KSR2: variants seen among roughly 807,000 people sequenced by gnomAD.
KSR2 encodes the protein kinase suppressor of ras 2.
A neutral mutation model predicts 107.8 loss-of-function variants in KSR2; 25 were observed. The observed-to-expected ratio is 0.23, with a 90% confidence interval of 0.17 to 0.32. KSR2 has a LOEUF of 0.32. Ranked by LOEUF, KSR2 falls within the 10% of genes least tolerant of loss-of-function variation. The probability of loss-of-function intolerance (pLI) is 1.00; values close to 1 mark genes in which losing one functional copy is unlikely to be tolerated. For synonymous variants in KSR2, 480 were observed against 507.0 expected, an observed-to-expected ratio of 0.95 and a Z score of 0.71; for missense variants, 887 against 1,268.9, an observed-to-expected ratio of 0.70 and a Z score of 4.57.
chr12:117,552,246 T>C (rs941554424), intron 9 of KSR2, among the ~76,000 whole-genome samples: 3 of 152,210 alleles, frequency 2.0e-5, no homozygotes, highest in Non-Finnish European at 4.4e-5. Flanking sequence ...GTACACTGAG[T>C]GCATTTAAAT....
chr12:117,859,105 C>T (rs1893195055), intron 2 of KSR2, among the ~76,000 whole-genome samples: 1 of 146,894 alleles, frequency 6.8e-6, no homozygotes, highest in Non-Finnish European at 1.5e-5. Context: ...CTGGCATCTA[C>T]TGAGTGCTAT....
chr12:117,936,533 T>TTATTAGTAG (rs1555258977), intron 1 of KSR2, among the ~76,000 whole-genome samples: 191 of 119,672 alleles, frequency 1.6e-3, no homozygotes, highest in East Asian at 2.5e-3. Flanking sequence ...ATTATTATTA[T>TTATTAGTAG]TAGTAGTAGT....
At chr12:117,530,685 A>T (rs1875553013) in intron 12 of KSR2, among the ~76,000 whole-genome samples, 1 of 152,182 alleles carries the variant, frequency 6.6e-6, no homozygotes, top group Admixed American at 6.5e-5. Flanking sequence ...TTTGACAGGC[A>T]GGGTCAGAGA....
intron 4 of KSR2, among the ~76,000 whole-genome samples, chr12:117,730,633 C>G (rs573080503): frequency 6.6e-6 from 1 of 152,154 alleles, no homozygotes; most frequent in East Asian, 1.9e-4. Context: ...CTCAGCCTGC[C>G]GAGTGCCTGG....
chr12:117,626,776 C>T (rs1458502369), intron 5 of KSR2, among the ~76,000 whole-genome samples: 2 of 152,126 alleles, frequency 1.3e-5, no homozygotes, highest in Non-Finnish European at 2.9e-5. Flanking sequence ...CCTTCTGTCT[C>T]ATTGATCTGC....
At chr12:117,671,306 TTCTC>T (rs934694632) in intron 4 of KSR2, among the ~76,000 whole-genome samples, 1 of 152,118 alleles carries the variant, frequency 6.6e-6, no homozygotes, top group African/African-American at 2.4e-5. Context: ...TCCTTCTCAG[TTCTC>T]TCTCTCTCGA....
chr12:117,767,286 G>A (rs1341384343), intron 3 of KSR2, among the ~76,000 whole-genome samples: 1 of 150,968 alleles, frequency 6.6e-6, no homozygotes, highest in African/African-American at 2.4e-5. Context: ...ATAGCCGGGC[G>A]TGGTGGCGGG....
At chr12:117,681,495 C>A (rs1173148026) in intron 4 of KSR2, among the ~76,000 whole-genome samples, 1 of 152,056 alleles carries the variant, frequency 6.6e-6, no homozygotes, top group Non-Finnish European at 1.5e-5. Context: ...AAAGCCAGGA[C>A]AGGGAAACTC....
At chr12:117,960,499 A>G (rs991401854) in intron 1 of KSR2, among the ~76,000 whole-genome samples, 2 of 152,142 alleles carry the variant, frequency 1.3e-5, no homozygotes, top group African/African-American at 4.8e-5. Flanking sequence ...CCTGCCAGAA[A>G]AGCCATGGAG....
At chr12:117,674,300 C>T in intron 4 of KSR2, 1 of 509,728 alleles carries the variant, frequency 2.0e-6, no homozygotes, top group Non-Finnish European at 3.9e-6. Flanking sequence ...GCCGCTGCCT[C>T]CTCGCTGGAA....
intron 12 of KSR2, among the ~76,000 whole-genome samples, chr12:117,528,492 T>C (rs992435127): frequency 1.3e-5 from 2 of 152,064 alleles, no homozygotes; most frequent in Non-Finnish European, 2.9e-5. Flanking sequence ...GACCCTCAGA[T>C]TGCAGGAAGT....
At chr12:117,543,805 G>T (rs1028732914) in intron 9 of KSR2, among the ~76,000 whole-genome samples, 1 of 152,164 alleles carries the variant, frequency 6.6e-6, no homozygotes, top group African/African-American at 2.4e-5. Context: ...TGGCAAGGCC[G>T]TGTCTCAGGA....
intron 14 of KSR2, among the ~76,000 whole-genome samples, chr12:117,508,813 G>A (rs1380597737): frequency 6.6e-6 from 1 of 150,896 alleles, no homozygotes; most frequent in African/African-American, 2.4e-5. Context: ...GTGGGTAGGT[G>A]AATGGGTAGA....
At chr12:117,549,407 C>T (rs562893463) in intron 9 of KSR2, among the ~76,000 whole-genome samples, 3 of 152,128 alleles carry the variant, frequency 2.0e-5, no homozygotes, top group African/African-American at 7.2e-5. Flanking sequence ...TCCATAGATG[C>T]TCTGCAAAAA....
intron 5 of KSR2, among the ~76,000 whole-genome samples, chr12:117,624,588 C>T (rs1295873731): frequency 6.6e-6 from 1 of 152,170 alleles, no homozygotes; most frequent in Non-Finnish European, 1.5e-5. Context: ...TGTTTTGGTA[C>T]CAGTACCATG....
intron 4 of KSR2, among the ~76,000 whole-genome samples, chr12:117,732,426 C>T (rs1357319222): frequency 5.3e-5 from 8 of 151,980 alleles, no homozygotes; most frequent in African/African-American, 1.9e-4. Flanking sequence ...GTAGCTGGGA[C>T]TACAGGCACC....
At chr12:117,894,962 A>C (rs1366267044) in intron 1 of KSR2, among the ~76,000 whole-genome samples, 1 of 151,738 alleles carries the variant, frequency 6.6e-6, no homozygotes, top group Admixed American at 6.6e-5. Flanking sequence ...GGCTTCGTGG[A>C]GCTATGCCTG....
chr12:117,966,527 C>A (rs1408974657), intron 1 of KSR2, among the ~76,000 whole-genome samples: 1 of 152,018 alleles, frequency 6.6e-6, no homozygotes, highest in Non-Finnish European at 1.5e-5. Context: ...CTTATTTCAT[C>A]TCTGAGGATC....
intron 5 of KSR2, among the ~76,000 whole-genome samples, chr12:117,657,962 C>A (rs1884257484): frequency 6.6e-6 from 1 of 152,192 alleles, no homozygotes; most frequent in African/African-American, 2.4e-5. Context: ...AAGAAAAGTA[C>A]AGAGATGAGA....
Sources: gnomAD v4.1 joint callset for allele counts (sites outside exome capture counted in the v4.1 genomes callset) on GRCh38, gnomAD v4.1.1 for gene constraint, MANE v1.5 for transcripts, NCBI Gene and HGNC (gene_info 2026-07-23, HGNC 2026-07-21) for gene names.